ZDHHC14: variants seen among roughly 807,000 people sequenced by gnomAD.
ZDHHC14 encodes palmitoyltransferase ZDHHC14.
A neutral mutation model predicts 47.7 loss-of-function variants in ZDHHC14; 16 were observed. The observed-to-expected ratio is 0.34, with a 90% CI of 0.23 to 0.51. ZDHHC14 has a LOEUF of 0.51. Among genes scored for constraint, ZDHHC14 ranks in the 20% least tolerant of loss-of-function variants. The pLI is 0.97. For missense variants in ZDHHC14, 515 were observed against 662.5 expected, an observed-to-expected ratio of 0.78 and a Z score of 2.44; for synonymous variants, 293 against 278.9, an observed-to-expected ratio of 1.05 and a Z score of -0.50.
intron 1 of ZDHHC14, among the ~76,000 whole-genome samples, chr6:157,384,006 A>C (rs999752245): frequency 1.3e-5 from 2 of 152,232 alleles, no homozygotes; most frequent in African/African-American, 4.8e-5. Flanking sequence ...CATGTGGTTT[A>C]ACAGAAATGC....
intron 1 of ZDHHC14, among the ~76,000 whole-genome samples, chr6:157,511,002 A>G (rs967024042): frequency 6.6e-6 from 1 of 152,244 alleles, no homozygotes; most frequent in Non-Finnish European, 1.5e-5. Flanking sequence ...TAGAAATCAA[A>G]TCATGGAAAG....
At chr6:157,452,690 ATTTTTTTTTT>A (rs747862336) in intron 1 of ZDHHC14, among the ~76,000 whole-genome samples, 6 of 72,960 alleles carry the variant, frequency 8.2e-5, no homozygotes, top group East Asian at 5.1e-4. Context: ...ATACATGGGG[ATTTTTTTTTT>A]TTTTTTTTTT....
intron 1 of ZDHHC14, among the ~76,000 whole-genome samples, chr6:157,446,349 G>T (rs1301863600): frequency 6.6e-6 from 1 of 152,000 alleles, no homozygotes; most frequent in East Asian, 1.9e-4. Context: ...CCTCATCACA[G>T]ATGTTTTCCC....
chr6:157,476,578 C>T (rs919600238), intron 1 of ZDHHC14, among the ~76,000 whole-genome samples: 3 of 152,118 alleles, frequency 2.0e-5, no homozygotes, highest in African/African-American at 7.2e-5. Flanking sequence ...GTCCTGAGAG[C>T]AAAGCCAGAC....
chr6:157,557,710 A>G (rs997716363), intron 2 of ZDHHC14, among the ~76,000 whole-genome samples: 29 of 152,128 alleles, frequency 1.9e-4, no homozygotes, highest in Admixed American at 1.2e-3. Flanking sequence ...TCCTCGTTTC[A>G]TTTCTGTAAC....
intron 1 of ZDHHC14, among the ~76,000 whole-genome samples, chr6:157,457,118 G>A (rs1482222647): frequency 1.3e-5 from 2 of 150,786 alleles, no homozygotes; most frequent in East Asian, 3.9e-4. Flanking sequence ...AGATTGCAGT[G>A]AGCCGAGATT....
intron 1 of ZDHHC14, among the ~76,000 whole-genome samples, chr6:157,386,119 C>A (rs1036584815): frequency 6.6e-6 from 1 of 152,112 alleles, no homozygotes; most frequent in African/African-American, 2.4e-5. Context: ...GGACTCTGGT[C>A]ACCCTTTTCT....
intron 5 of ZDHHC14, among the ~76,000 whole-genome samples, chr6:157,644,622 T>C (rs1326070975): frequency 4.6e-5 from 7 of 152,216 alleles, no homozygotes; most frequent in Admixed American, 4.6e-4. Context: ...CACTGGGTAA[T>C]GTGCTCAGCC....
chr6:157,648,154 G>A (rs972898971), intron 7 of ZDHHC14, among the ~76,000 whole-genome samples: 1 of 152,254 alleles, frequency 6.6e-6, no homozygotes, highest in Non-Finnish European at 1.5e-5. Context: ...TTCTTTGTGA[G>A]TTACACCTAT....
intron 2 of ZDHHC14, among the ~76,000 whole-genome samples, chr6:157,543,532 A>C (rs1781851299): frequency 6.6e-6 from 1 of 152,206 alleles, no homozygotes; most frequent in Non-Finnish European, 1.5e-5. Context: ...CTCTTCCAGG[A>C]TTCCTCCTAT....
At position 157,575,853 on chromosome 6, in the gene ZDHHC14, A is replaced by G. The variant is rs1231979557; in HGVS notation, c.407-17135A>G. On this transcript the variant is annotated intron_variant, in intron 2 of 8. Coordinates refer to ENST00000359775, the MANE Select transcript of ZDHHC14 (RefSeq NM_024630.3). ...CCTTTTGCCCACCAGAGAACCCTCA[A>G]TGCTCATAGGTGTTGAGTGAATGAT... Among the ~76,000 whole-genome samples the G allele has an allele frequency of 3.3e-5, 5 of 152,234 alleles. No individual in the cohort carries two copies. The East Asian group carries it at 5.8e-4, about 18-fold the overall frequency.
chr6:157,601,021 C>T (rs1236490263), intron 3 of ZDHHC14, among the ~76,000 whole-genome samples: 2 of 152,192 alleles, frequency 1.3e-5, no homozygotes, highest in Admixed American at 6.5e-5. Context: ...AATCCCGCCT[C>T]CAGCATGGAG....
Position 157,381,770 on chromosome 6 carries a change from GGA to G in ZDHHC14, c.-250_-249del, listed in dbSNP as rs1777215945. ...CGGGACGCGGGCTGGAAGCGACGGA[GGA>G]GTGCTGCCGCGGGCTGCGGACCAGC... On this transcript the variant is annotated 5_prime_UTR_variant, in exon 1 of 9. Transcript: ENST00000359775. 1 of 149,610 alleles carries G rather than the reference GGA, an allele frequency of 6.7e-6. No homozygotes were observed. The highest frequency in any genetic ancestry group is 2.0e-4 in the South Asian group (1 of 4,886). 9.3% of individuals were successfully genotyped at this position (149,610 alleles called of 1,614,324 possible). A position where few individuals can be genotyped will look rare whatever the true frequency, so the allele number is the denominator to read the frequency against.
chr6:157,514,879 C>T (rs1186038531), intron 1 of ZDHHC14, among the ~76,000 whole-genome samples: 1 of 152,216 alleles, frequency 6.6e-6, no homozygotes, highest in Non-Finnish European at 1.5e-5. Flanking sequence ...GGGAGATCTG[C>T]TTTGGTGGAG....
At chr6:157,630,503 T>G (rs1785634640) in intron 4 of ZDHHC14, 1 of 151,896 alleles carries the variant, frequency 6.6e-6, no homozygotes, top group African/African-American at 2.4e-5. Context: ...CACTCATATA[T>G]ACTCACCAAT....
At chr6:157,413,184 G>A (rs769698841) in intron 1 of ZDHHC14, among the ~76,000 whole-genome samples, 31 of 152,178 alleles carry the variant, frequency 2.0e-4, no homozygotes, top group Non-Finnish European at 2.8e-4. Flanking sequence ...TTGTAGAAGC[G>A]GTGATGTGAG....
chr6:157,524,237 T>G (rs1562461671), intron 1 of ZDHHC14, among the ~76,000 whole-genome samples: 1 of 152,022 alleles, frequency 6.6e-6, no homozygotes, highest in Admixed American at 6.5e-5. Context: ...TCAAGAATTC[T>G]CCTGCCTCAG....
intron 2 of ZDHHC14, among the ~76,000 whole-genome samples, chr6:157,565,527 A>G (rs17165434): frequency 0.5 from 75,266 of 152,046 alleles, 19,462 homozygotes; most frequent in African/African-American, 0.66. Context: ...GAGTCAAAAG[A>G]TTGGGTACAG....
At chr6:157,618,632 T>C (rs910134686) in intron 3 of ZDHHC14, among the ~76,000 whole-genome samples, 1 of 152,036 alleles carries the variant, frequency 6.6e-6, no homozygotes, top group Non-Finnish European at 1.5e-5. Flanking sequence ...ACATGACGGA[T>C]TTTACCATGG....
Sources: gnomAD v4.1 joint callset for allele counts (sites outside exome capture counted in the v4.1 genomes callset) on GRCh38, gnomAD v4.1.1 for gene constraint, MANE v1.5 for transcripts, NCBI Gene and HGNC (gene_info 2026-07-23, HGNC 2026-07-21) for gene names.